Variants in CSMD3 observed in about 807,000 individuals in gnomAD.
The protein encoded by CSMD3 is CUB and Sushi multiple domains 3.
A neutral mutation model predicts 435.2 loss-of-function variants in CSMD3; 177 were observed. The ratio of observed to expected loss-of-function variants is 0.41; its 90% confidence interval spans 0.36 to 0.46. CSMD3 has a LOEUF of 0.46. Among genes scored for constraint, CSMD3 ranks in the 20% least tolerant of loss-of-function variants. CSMD3 has a pLI of 0.34. For missense variants in CSMD3, 4,265 were observed against 4,504.6 expected (o/e 0.95, Z 1.52); for synonymous variants, 1,656 against 1,520.5 (o/e 1.09, Z -2.07).
chr8:112,340,951 A>G (rs1048246594), intron 42 of CSMD3, among the ~76,000 whole-genome samples: 2 of 152,108 alleles, frequency 1.3e-5, no homozygotes, highest in South Asian at 2.1e-4. Context: ...AGAGATAAAA[A>G]TCTTGCTCAA....
intron 38 of CSMD3, among the ~76,000 whole-genome samples, chr8:112,355,353 AC>A (rs1358554935): frequency 6.6e-6 from 1 of 152,186 alleles, no homozygotes; most frequent in Non-Finnish European, 1.5e-5. Flanking sequence ...GACAAGTAAG[AC>A]CTAATTAAAC....
Position 112,650,367 on chromosome 8 carries a change from G to A in CSMD3, c.3005-18C>T. ...TGTAACACCTGGAAAACAAAGGGAA[G>A]AAAATAAAGAGTAAGCTTGGTGGGA... On this transcript the variant is annotated intron_variant, in intron 18 of 70. Coordinates refer to ENST00000297405, the MANE Select transcript of CSMD3 (RefSeq NM_198123.2). 6.3e-7 allele frequency: 1 copy of A among 1,596,024 alleles called. No individual in the cohort carries two copies. The highest frequency in any genetic ancestry group is 8.6e-7 in the Non-Finnish European group (1 of 1,163,660).
At chr8:112,925,486 C>A (rs528960102) in intron 9 of CSMD3, among the ~76,000 whole-genome samples, 368 of 151,966 alleles carry the variant, frequency 2.4e-3, no homozygotes, top group African/African-American at 7.1e-3. Flanking sequence ...TGGAGTGAAC[C>A]CGGGAAGTGG....
At chr8:112,573,695 A>T in intron 23 of CSMD3, 38 bp from the exon 24 acceptor site, 1 of 1,418,388 alleles carries the variant, frequency 7.1e-7, no homozygotes, top group South Asian at 1.2e-5. Flanking sequence ...TAAATGTGCC[A>T]ATAATAATCA....
intron 38 of CSMD3, among the ~76,000 whole-genome samples, chr8:112,375,521 A>T (rs998374381): frequency 1.3e-5 from 2 of 152,146 alleles, no homozygotes; most frequent in Non-Finnish European, 2.9e-5. Flanking sequence ...CTAAAAGGCA[A>T]GATACTATGT....
chr8:112,855,839 T>A (rs983543501), intron 11 of CSMD3, among the ~76,000 whole-genome samples: 2 of 143,026 alleles, frequency 1.4e-5, no homozygotes, highest in Admixed American at 7.4e-5. Flanking sequence ...TGTCTCAAGA[T>A]CTGTCCCTGA....
At chr8:113,416,027 A>G (rs79634553) in intron 1 of CSMD3, among the ~76,000 whole-genome samples, 2,000 of 152,214 alleles carry the variant, frequency 0.013, 49 homozygotes, top group African/African-American at 0.044. Context: ...AGGATTTTAA[A>G]AATTAAAATG....
intron 11 of CSMD3, among the ~76,000 whole-genome samples, chr8:112,846,236 T>TC: frequency 6.6e-6 from 1 of 151,980 alleles, no homozygotes; most frequent in Middle Eastern, 3.4e-3. Flanking sequence ...AATTCTTTTT[T>TC]AACATGTTAA....
chr8:113,222,170 A>G (rs979486102), intron 3 of CSMD3, among the ~76,000 whole-genome samples: 2 of 151,314 alleles, frequency 1.3e-5, no homozygotes, highest in African/African-American at 2.4e-5. Context: ...TTAGGTAGAC[A>G]TAATTCTAAA....
intron 38 of CSMD3, 62 bp from the exon 39 acceptor site, chr8:112,352,596 A>T: frequency 7.1e-7 from 1 of 1,416,396 alleles, no homozygotes; most frequent in Non-Finnish European, 9.9e-7. Flanking sequence ...TAAGTTATGC[A>T]TATTAAGTTG....
chr8:112,352,396 C>T lies in CSMD3; in HGVS notation c.6255+20G>A, dbSNP rs2131062080. The T allele has an allele frequency of 6.2e-7, 1 of 1,612,790 alleles. No individual in the cohort carries two copies. Among genetic ancestry groups the T allele is most frequent in the Non-Finnish European group, 8.5e-7 (1 of 1,179,412 alleles). On this transcript the variant is annotated intron_variant, in intron 39 of 70. Coordinates refer to ENST00000297405, the MANE Select transcript of CSMD3 (RefSeq NM_198123.2). The stretch of plus-strand genomic sequence containing the variant: ...GAAAGGGCCATGAAAATCAAAACCA[C>T]AACTTTAAAATAGACTTACCTGAAG...
chr8:112,480,033 C>T (rs1172986281), intron 31 of CSMD3, among the ~76,000 whole-genome samples: 1 of 152,192 alleles, frequency 6.6e-6, no homozygotes, highest in South Asian at 2.1e-4. Context: ...TGAGCTGCAC[C>T]CTGCAAAGCC....
At chr8:112,483,872 T>G (rs1210238644) in intron 31 of CSMD3, among the ~76,000 whole-genome samples, 1 of 152,184 alleles carries the variant, frequency 6.6e-6, no homozygotes, top group Non-Finnish European at 1.5e-5. Context: ...GTTCATGGCT[T>G]GTATTTTCTT....
chr8:113,362,310 A>G (rs2094282625), intron 1 of CSMD3, among the ~76,000 whole-genome samples: 1 of 152,194 alleles, frequency 6.6e-6, no homozygotes, highest in Non-Finnish European at 1.5e-5. Flanking sequence ...CAGCAACAGA[A>G]GTTGGCATTG....
chr8:112,971,083 T>C (rs1225059348), intron 7 of CSMD3, among the ~76,000 whole-genome samples: 1 of 152,116 alleles, frequency 6.6e-6, no homozygotes, highest in Non-Finnish European at 1.5e-5. Context: ...TATTTAGAGG[T>C]TGTCAGTCCC....
intron 11 of CSMD3, among the ~76,000 whole-genome samples, chr8:112,852,681 G>C (rs2080525879): frequency 6.6e-6 from 1 of 152,004 alleles, no homozygotes; most frequent in Non-Finnish European, 1.5e-5. Context: ...CCAGCACTTT[G>C]GGAGGCCGAG....
chr8:112,391,723 A>G (rs1830437879), intron 35 of CSMD3, among the ~76,000 whole-genome samples: 1 of 152,060 alleles, frequency 6.6e-6, no homozygotes, highest in Non-Finnish European at 1.5e-5. Flanking sequence ...TGAGATCTGA[A>G]TCCTGGCAGT....
intron 11 of CSMD3, among the ~76,000 whole-genome samples, chr8:112,843,135 T>C (rs1051789361): frequency 4.6e-5 from 7 of 151,884 alleles, no homozygotes; most frequent in Admixed American, 4.6e-4. Context: ...TTCTCTGTGC[T>C]TTTGTTTACA....
chr8:112,976,327 T>C lies in CSMD3; in HGVS notation c.1031-179A>G, dbSNP rs183101998. The stretch of plus-strand genomic sequence containing the variant: ...CACTAGATCTGTCGGTTTGTTTCTA[T>C]CAACCATCCTATGGATAGATATACA... On this transcript the variant is annotated intron_variant, in intron 6 of 70. Transcript: ENST00000297405. Among the ~76,000 whole-genome samples, 114 of 152,232 alleles carry C rather than the reference T, an allele frequency of 7.5e-4. 1 individual carries two copies. Among genetic ancestry groups the C allele is most frequent in the Non-Finnish European group, 2.2e-4 (15 of 68,022 alleles).
Sources: allele counts gnomAD v4.1 joint callset (sites outside exome capture counted in the v4.1 genomes callset), GRCh38; gene constraint gnomAD v4.1.1; transcripts MANE v1.5; gene names NCBI Gene and HGNC (gene_info 2026-07-23, HGNC 2026-07-21).